The following NXT2 variants were observed in gnomAD, a reference collection of about 807,000 sequenced individuals.
NXT2 encodes NTF2-related export protein 2.
Under a neutral mutation model 9.6 loss-of-function variants are expected in NXT2, and 1 was observed. The ratio of observed to expected loss-of-function variants is 0.10; its 90% CI spans 0.04 to 0.49. The LOEUF (loss-of-function observed/expected upper bound fraction) is 0.49, where lower values mean the gene tolerates loss of function less well. Ranked by LOEUF, NXT2 falls within the 20% of genes least tolerant of loss-of-function variation. The pLI is 0.95. For synonymous variants in NXT2, 22 were observed against 35.4 expected (o/e 0.62, Z 1.34); for missense variants, 48 against 100.3 (o/e 0.48, Z 2.23).
chrX:109,541,624 GATC>G lies in NXT2; in HGVS notation c.247+8_247+10del. 8.5e-7 allele frequency: 1 copy of G among 1,182,578 alleles called. No homozygotes were observed. Among genetic ancestry groups the G allele is most frequent in the Non-Finnish European group, 1.1e-6 (1 of 875,081 alleles). ...TAGATTGCCAACCAGTTCATGGTAAGATCATGATCTTTCAAGATGCTTCCTTTG... is the reference window on the plus strand; with the variant it reads ...TAGATTGCCAACCAGTTCATGGTAAGATGATCTTTCAAGATGCTTCCTTTG... On this transcript the variant is annotated splice_donor_region_variant and intron_variant, in intron 3 of 3. Transcript: ENST00000372106.
intron 1 of NXT2, among the ~76,000 whole-genome samples, chrX:109,537,617 C>T (rs1933312895): frequency 9.0e-6 from 1 of 111,032 alleles, no homozygotes; most frequent in South Asian, 3.8e-4. Flanking sequence ...TGGAGTTTGG[C>T]TCTAACACCT....
intron 1 of NXT2, chrX:109,537,370 T>A: frequency 1.2e-6 from 1 of 831,111 alleles, no homozygotes; most frequent in Non-Finnish European, 1.5e-6. Flanking sequence ...TCATTGTTCT[T>A]AATTTAGTAA....
chrX:109,540,278 ATTGT>A (rs1480605106), intron 2 of NXT2, among the ~76,000 whole-genome samples: 1 of 111,201 alleles, frequency 9.0e-6, no homozygotes, highest in Non-Finnish European at 1.9e-5. Flanking sequence ...AAAAGACAAC[ATTGT>A]TTATTACCAG....
In NXT2 at chrX:109,542,545, A is replaced by T; in HGVS notation, c.286A>T (p.Thr96Ser). The T allele has an allele frequency of 8.3e-7, 1 of 1,208,658 alleles. No homozygotes were observed. Among genetic ancestry groups the T allele is most frequent in the Non-Finnish European group, 1.1e-6 (1 of 893,788 alleles). Residue 96 changes from threonine (T) to serine (S), a missense_variant, in exon 4 of 4, where the codon ACC becomes TCC. Physicochemically the swap from Thr to Ser is moderately conservative, Grantham distance 58. Coordinates refer to ENST00000372106, the MANE Select transcript of NXT2 (RefSeq NM_001242617.2). Reference sequence around the variant, plus strand: ...GTCCCAAACTACAGTTCTTGTTGTGACCAGTGGAACTGTGAAGTTTGATGG... The same window carrying T: ...GTCCCAAACTACAGTTCTTGTTGTGTCCAGTGGAACTGTGAAGTTTGATGG... ...TQSQTTVLVV[T>S]SGTVKFDGNK... is the part of the protein sequence containing the mutation.
In NXT2 at chrX:109,544,352, T is replaced by G. The variant is rs952668082; in HGVS notation, c.*1664T>G. The G allele has an allele frequency of 8.9e-6, 1 of 112,684 alleles. No homozygotes were observed. Among genetic ancestry groups the G allele is most frequent in the Admixed American group, 9.5e-5 (1 of 10,564 alleles). The allele number at this position is 112,684 out of a possible 1,213,427, so 9.3% of individuals were successfully genotyped here. A position where few individuals can be genotyped will look rare whatever the true frequency, so the allele number is the denominator to read the frequency against. On this transcript the variant is annotated 3_prime_UTR_variant, in exon 4 of 4. Coordinates refer to ENST00000372106, the MANE Select transcript of NXT2 (RefSeq NM_001242617.2). ...GCTTTCTTGTAGTACTGATTGAAAC[T>G]TACACGTTTTATTCTACTCATAGTG...
chrX:109,537,970 G>A (rs1398325214), intron 1 of NXT2, 75 bp from the exon 2 acceptor site: 7 of 615,949 alleles, frequency 1.1e-5, no homozygotes, highest in Non-Finnish European at 1.6e-5. Context: ...TAAATCATCA[G>A]CTTCTGTCAG....
At chrX:109,540,449 T>C (rs951441720) in intron 2 of NXT2, among the ~76,000 whole-genome samples, 1 of 110,600 alleles carries the variant, frequency 9.0e-6, no homozygotes, top group Admixed American at 9.6e-5. Flanking sequence ...TGCCTCAGCC[T>C]CCCAAGTAGC....
chrX:109,541,467 CT>C lies in NXT2; in HGVS notation c.103-3del. 1 of 1,161,134 alleles carries C rather than the reference CT, an allele frequency of 8.6e-7. No homozygotes were observed. On this transcript the variant is annotated splice_region_variant and splice_polypyrimidine_tract_variant and intron_variant, in intron 2 of 3. Coordinates refer to ENST00000372106, the MANE Select transcript of NXT2 (RefSeq NM_001242617.2). Reference sequence around the variant, plus strand: ...ATTTCCCTTTTTTAAATTTGTCTTTCTTTTTAGGCACTAACCAGGCTGTATC... The same window carrying C: ...ATTTCCCTTTTTTAAATTTGTCTTTCTTTTAGGCACTAACCAGGCTGTATC...
intron 2 of NXT2, among the ~76,000 whole-genome samples, chrX:109,539,843 A>C (rs1420082969): frequency 3.6e-5 from 4 of 112,178 alleles, no homozygotes; most frequent in African/African-American, 9.7e-5. Context: ...GAAGCTGTTT[A>C]GTTTAATTAG....
chrX:109,537,378 T>C, intron 1 of NXT2: 1 of 816,240 alleles, frequency 1.2e-6, no homozygotes. Flanking sequence ...CTTAATTTAG[T>C]AATAGACTGG....
chrX:109,541,694 G>A (rs1453630401), intron 3 of NXT2, 75 bp downstream of exon 3: 12 of 858,143 alleles, frequency 1.4e-5, no homozygotes, highest in South Asian at 3.7e-5. Flanking sequence ...CAAAAGCAGC[G>A]AGAAACTTTT....
At chrX:109,538,306 G>A (rs1933332253) in intron 2 of NXT2, among the ~76,000 whole-genome samples, 175 bp downstream of exon 2, 1 of 111,748 alleles carries the variant, frequency 8.9e-6, no homozygotes. Flanking sequence ...CATGGGCTCT[G>A]GAATCATATC....
At position 109,536,975 on chromosome X, in the gene NXT2, C is replaced by T. The variant is rs763624983; in HGVS notation, c.-32C>T. ...ACACGTGAGGAGGTAGTGACGCCGACACTGCCAGAACACACTGCTACAAGG... is the reference window on the plus strand; with the variant it reads ...ACACGTGAGGAGGTAGTGACGCCGATACTGCCAGAACACACTGCTACAAGG... On this transcript the variant is annotated 5_prime_UTR_variant, in exon 1 of 4. Transcript: ENST00000372106. The T allele has an allele frequency of 3.3e-6, 4 of 1,211,947 alleles. No homozygotes were observed. The Admixed American group carries it at 6.5e-5, about 20-fold the overall frequency.
chrX:109,536,951 C>G lies in NXT2; in HGVS notation c.-56C>G. On this transcript the variant is annotated 5_prime_UTR_variant, in exon 1 of 4. Coordinates refer to ENST00000372106, the MANE Select transcript of NXT2 (RefSeq NM_001242617.2). Reference sequence around the variant, plus strand: ...TCATTCCGCAGCCCTGCGGACCGGACACGTGAGGAGGTAGTGACGCCGACA... The same window carrying G: ...TCATTCCGCAGCCCTGCGGACCGGAGACGTGAGGAGGTAGTGACGCCGACA... The G allele has an allele frequency of 8.3e-7, 1 of 1,211,622 alleles. No homozygotes were observed. Among genetic ancestry groups the G allele is most frequent in the Non-Finnish European group, 1.1e-6 (1 of 895,367 alleles).
chrX:109,536,514 C>G (rs3761511), upstream of NXT2: 3 of 126,224 alleles, frequency 2.4e-5, no homozygotes, highest in South Asian at 7.4e-4. Flanking sequence ...TCACTAGTCA[C>G]GCACGCCTTT....
At position 109,541,512 on chromosome X, in the gene NXT2, T is replaced by C. The variant is rs1289840281; in HGVS notation, c.140T>C (p.Ile47Thr). 1 of 1,208,278 alleles carries C rather than the reference T, an allele frequency of 8.3e-7. No individual in the cohort carries two copies. The highest frequency in any genetic ancestry group is 1.1e-6 in the Non-Finnish European group (1 of 892,682). Reference protein sequence around the residue: ...TRLYLDKATLIWNGNAVSGLD... With the variant: ...TRLYLDKATLTWNGNAVSGLD... ...CTGTATCTGGACAAGGCCACCTTAA[T>C]ATGGAATGGAAATGCTGTTTCAGGG... The change falls in exon 3 of 4, where the codon ATA (isoleucine) becomes ACA (threonine). Residue 47 changes from isoleucine (I) to threonine (T), a missense_variant. Ile to Thr is a moderately conservative substitution (Grantham distance 89). Coordinates refer to ENST00000372106, the MANE Select transcript of NXT2 (RefSeq NM_001242617.2).
upstream of NXT2, chrX:109,536,022 C>A: frequency 9.7e-7 from 1 of 1,031,996 alleles, no homozygotes; most frequent in Non-Finnish European, 1.3e-6. Context: ...AATCAGAAGT[C>A]ATTGGCGGCT....
Position 109,536,999 on chromosome X carries a change from G to C in NXT2, c.-8G>C, listed in dbSNP as rs780887533. The C allele has an allele frequency of 3.1e-5, 38 of 1,209,855 alleles. No individual in the cohort carries two copies. Among genetic ancestry groups the C allele is most frequent in the Non-Finnish European group, 4.0e-5 (36 of 895,051 alleles). ...ACACTGCCAGAACACACTGCTACAA[G>C]GTCCCAGATGGCCACGTCTCTGGTG... On this transcript the variant is annotated 5_prime_UTR_variant, in exon 1 of 4. Coordinates refer to ENST00000372106, the MANE Select transcript of NXT2 (RefSeq NM_001242617.2).
At chrX:109,539,659 A>T (rs1050488265) in intron 2 of NXT2, among the ~76,000 whole-genome samples, 1 of 110,237 alleles carries the variant, frequency 9.1e-6, no homozygotes, top group African/African-American at 3.3e-5. Flanking sequence ...TTTGCTGGCC[A>T]CTTCTTCTTT....
Sources: gnomAD v4.1 joint callset for allele counts (sites outside exome capture counted in the v4.1 genomes callset) on GRCh38, gnomAD v4.1.1 for gene constraint, MANE v1.5 for transcripts, NCBI Gene and HGNC (gene_info 2026-07-23, HGNC 2026-07-21) for gene names.